The following CATSPERG variants were observed in gnomAD, a reference collection of about 807,000 sequenced individuals.
The protein encoded by CATSPERG is catsper channel auxiliary subunit gamma.
A neutral mutation model predicts 145.0 loss-of-function variants in CATSPERG; 115 were observed. The ratio of observed to expected loss-of-function variants is 0.79; its 90% CI spans 0.68 to 0.93. The LOEUF (loss-of-function observed/expected upper bound fraction) is 0.93. Among genes scored for constraint, CATSPERG ranks in the 40% least tolerant of loss-of-function variants. CATSPERG has a pLI of 0.00. For missense variants in CATSPERG, 1,296 were observed against 1,490.1 expected (o/e 0.87, Z 2.14); for synonymous variants, 588 against 589.0 (o/e 1.00, Z 0.02).
rs1343960121 is a variant in CATSPERG at position 38,362,942 on chromosome 19, C to T, written c.2475+110C>T. 2.6e-5 allele frequency: 19 copies of T among 740,794 alleles called. No individual in the cohort carries two copies. The East Asian group carries it at 5.1e-4, about 20-fold the overall frequency. 45.9% of individuals were successfully genotyped at this position (740,794 alleles called of 1,614,324 possible). ...CGCTCAGGCTGGAGTGCCAGTGGAG[C>T]GATCACTGCATTCTTGGCCTCCTGG... is the stretch of plus-strand genomic sequence containing the variant. On this transcript the variant is annotated intron_variant, in intron 20 of 28. Coordinates refer to ENST00000409235, the MANE Select transcript of CATSPERG (RefSeq NM_021185.5).
At chr19:38,366,701 CTTT>C (rs1215972834) in intron 22 of CATSPERG, 22 of 136,270 alleles carry the variant, frequency 1.6e-4, no homozygotes, top group South Asian at 4.6e-4. Context: ...GGCTCTCGGT[CTTT>C]TTTTTTTTTT....
At chr19:38,340,045 G>A (rs1474279408) in intron 3 of CATSPERG, among the ~76,000 whole-genome samples, 1 of 151,902 alleles carries the variant, frequency 6.6e-6, no homozygotes, top group Non-Finnish European at 1.5e-5. Context: ...GTAGAGACAG[G>A]GTTTCACCAT....
intron 6 of CATSPERG, among the ~76,000 whole-genome samples, chr19:38,346,165 A>G (rs1260092360): frequency 6.6e-6 from 1 of 152,214 alleles, no homozygotes; most frequent in Non-Finnish European, 1.5e-5. Flanking sequence ...AGAGAATTGC[A>G]TGGATACTAA....
intron 20 of CATSPERG, among the ~76,000 whole-genome samples, chr19:38,363,507 T>A (rs1454627258): frequency 6.6e-6 from 1 of 150,962 alleles, no homozygotes; most frequent in East Asian, 1.9e-4. Flanking sequence ...TTTTTTTTTT[T>A]TTATTGATCA....
In CATSPERG at chr19:38,360,666, C is replaced by T. The variant is rs372265627; in HGVS notation, c.1767+19C>T. On this transcript the variant is annotated intron_variant, in intron 15 of 28. Coordinates refer to ENST00000409235, the MANE Select transcript of CATSPERG (RefSeq NM_021185.5). ...GTACCAGGTGCCCGGTGGAGCTATGCGGGGACATCGGGGCACCCCAGGAGG... is the reference window on the plus strand; with the variant it reads ...GTACCAGGTGCCCGGTGGAGCTATGTGGGGACATCGGGGCACCCCAGGAGG... The T allele has an allele frequency of 3.0e-5, 49 of 1,613,992 alleles. No individual in the cohort carries two copies. The highest frequency in any genetic ancestry group is 5.3e-5 in the African/African-American group (4 of 74,918).
Position 38,365,135 on chromosome 19 carries a change from A to C in CATSPERG, c.2613+18A>C, listed in dbSNP as rs754976650. On this transcript the variant is annotated intron_variant, in intron 22 of 28. Transcript: ENST00000409235. ...ATATGCAAGTATTGGAGCTTGGGAT[A>C]CTGGGCCCTGGGAGGGGAAGGTTGG... 3 of 1,612,178 alleles carry C rather than the reference A, an allele frequency of 1.9e-6. No individual in the cohort carries two copies. Among genetic ancestry groups the C allele is most frequent in the East Asian group, 2.2e-5 (1 of 44,878 alleles).
At chr19:38,349,413 T>G (rs1600456110) in intron 7 of CATSPERG, 1 of 152,278 alleles carries the variant, frequency 6.6e-6, no homozygotes, top group South Asian at 2.1e-4. Flanking sequence ...ATTACAGGCA[T>G]GAGCCACCGT....
intron 20 of CATSPERG, among the ~76,000 whole-genome samples, chr19:38,363,457 A>G (rs1203270884): frequency 6.7e-6 from 1 of 149,508 alleles, no homozygotes; most frequent in Non-Finnish European, 1.5e-5. Flanking sequence ...TGAGGCATGA[A>G]CCACCCTGTG....
chr19:38,343,818 G>T (rs1462770198), intron 4 of CATSPERG, 94 bp downstream of exon 4: 10 of 1,447,454 alleles, frequency 6.9e-6, no homozygotes, highest in South Asian at 6.5e-5. Flanking sequence ...GAGGGTATGT[G>T]GGGGGCGGGA....
chr19:38,344,910 T>A (rs1334182607), intron 6 of CATSPERG, among the ~76,000 whole-genome samples: 7 of 132,696 alleles, frequency 5.3e-5, no homozygotes, highest in African/African-American at 8.4e-5. Context: ...TATTTTTTTT[T>A]TTTTTTTTTT....
At chr19:38,343,191 G>A (rs1430316010) in intron 3 of CATSPERG, among the ~76,000 whole-genome samples, 17 of 152,152 alleles carry the variant, frequency 1.1e-4, no homozygotes, top group Admixed American at 1.1e-3. Flanking sequence ...CTGGAACTGG[G>A]AATCCCTGGA....
chr19:38,361,750 GGCGCGGCCGCC>G lies in CATSPERG; in HGVS notation c.1989_1999del (p.Pro665GlyfsTer97). On this transcript the variant is annotated frameshift_variant, in exon 17 of 29. Transcript: ENST00000409235. LOFTEE classifies it high-confidence loss of function. ...GATACACGCGCCAGGAGCGCTACCG[GGCGCGGCCGCC>G]GCGCGTCCTGGAGCGCTCGGGCTTC... The G allele has an allele frequency of 6.2e-7, 1 of 1,611,570 alleles. No individual in the cohort carries two copies. The highest frequency in any genetic ancestry group is 8.5e-7 in the Non-Finnish European group (1 of 1,179,190).
Position 38,360,769 on chromosome 19 carries a change from C to T in CATSPERG, c.1806C>T (p.Val602=), listed in dbSNP as rs1970331075. The part of the protein sequence containing the change: ...YLMNNQKGQL[V]KRLVPVEQLL... ...TGAACAACCAGAAGGGCCAGCTGGT[C>T]AAGAGGCTCGTGCCCGTGGAGCAGC... The change falls in exon 16 of 29, where the codon GTC becomes GTT. Residue 602 remains valine (V), a synonymous_variant. Coordinates refer to ENST00000409235, the MANE Select transcript of CATSPERG (RefSeq NM_021185.5). 1 of 1,613,646 alleles carries T rather than the reference C, an allele frequency of 6.2e-7. No homozygotes were observed. The highest frequency in any genetic ancestry group is 8.5e-7 in the Non-Finnish European group (1 of 1,179,890).
Position 38,363,719 on chromosome 19 carries a change from G to A in CATSPERG, c.2475+887G>A, listed in dbSNP as rs968244403. On this transcript the variant is annotated intron_variant, in intron 20 of 28. Coordinates refer to ENST00000409235, the MANE Select transcript of CATSPERG (RefSeq NM_021185.5). ...TGTTTAACAAAGCACATCTTGCACC[G>A]CCCTTAATCCATTTAACCCTGAGTG... Among the ~76,000 whole-genome samples the A allele has an allele frequency of 9.9e-5, 15 of 151,898 alleles. 1 individual carries two copies. Among genetic ancestry groups the A allele is most frequent in the Admixed American group, 3.9e-4 (6 of 15,244 alleles).
intron 22 of CATSPERG, chr19:38,366,077 CTCTT>C (rs1970443604): frequency 6.6e-6 from 1 of 152,332 alleles, no homozygotes; most frequent in African/African-American, 2.4e-5. Context: ...TCACATCTCT[CTCTT>C]CTTCTGCCCA....
At chr19:38,343,911 G>A in intron 4 of CATSPERG, 82 bp from the exon 5 acceptor site, 1 of 1,509,228 alleles carries the variant, frequency 6.6e-7, no homozygotes, top group Non-Finnish European at 8.9e-7. Flanking sequence ...GGGGAGTTGT[G>A]GGGAGATCCC....
At position 38,364,927 on chromosome 19, in the gene CATSPERG, G is replaced by A. The variant is rs1392938675; in HGVS notation, c.2512G>A (p.Gly838Ser). The A allele has an allele frequency of 6.2e-7, 1 of 1,614,122 alleles. No homozygotes were observed. The change falls in exon 21 of 29, where the codon GGC becomes AGC. Residue 838 changes from glycine to serine, a missense_variant. By Grantham distance (56) the Gly-to-Ser change is moderately conservative. Coordinates refer to ENST00000409235, the MANE Select transcript of CATSPERG (RefSeq NM_021185.5). ...LKDKKLCYDQ[G>S]ISGHHLMETS... Reference sequence around the variant, plus strand: ...GGATAAAAAGCTTTGCTATGACCAAGGCATTAGTGGACATCACCTTATGGA... The same window carrying A: ...GGATAAAAAGCTTTGCTATGACCAAAGCATTAGTGGACATCACCTTATGGA...
intron 14 of CATSPERG, chr19:38,359,978 T>C (rs781394116): frequency 6.7e-6 from 7 of 1,038,586 alleles, no homozygotes; most frequent in Non-Finnish European, 8.1e-6. Flanking sequence ...CAGGGAGGGC[T>C]TCATGGGGGA....
At chr19:38,364,363 G>A (rs993842853) in intron 20 of CATSPERG, among the ~76,000 whole-genome samples, 2 of 152,114 alleles carry the variant, frequency 1.3e-5, no homozygotes, top group African/African-American at 2.4e-5. Flanking sequence ...CATCCCAGAC[G>A]GGGCAGCGGG....
Sources: allele counts gnomAD v4.1 joint callset (sites outside exome capture counted in the v4.1 genomes callset), GRCh38; gene constraint gnomAD v4.1.1; transcripts MANE v1.5; gene names NCBI Gene and HGNC (gene_info 2026-07-23, HGNC 2026-07-21).